Variants in F11R observed in about 807,000 individuals in gnomAD.
The protein encoded by F11R is junctional adhesion molecule A.
A neutral mutation model predicts 39.3 loss-of-function variants in F11R; 27 were observed. That is an observed-to-expected ratio of 0.69 (90% CI 0.51 to 0.95). The LOEUF (loss-of-function observed/expected upper bound fraction) is 0.95, where lower values mean the gene tolerates loss of function less well. Ranked by LOEUF, F11R falls within the 40% of genes least tolerant of loss-of-function variation. F11R has a pLI of 0.00. For synonymous variants in F11R, 131 were observed against 144.9 expected (o/e 0.90, Z 0.69); for missense variants, 335 against 372.7 (o/e 0.90, Z 0.83).
chr1:161,001,224 AGAT>A, intron 2 of F11R, 58 bp downstream of exon 2: 1 of 1,601,588 alleles, frequency 6.2e-7, no homozygotes, highest in Non-Finnish European at 8.5e-7. Context: ...GGTGCTCTCT[AGAT>A]CCCCAGGCGG....
At chr1:161,000,013 G>A (rs772903461) in intron 5 of F11R, 35 bp from the exon 6 acceptor site, 1 of 1,607,828 alleles carries the variant, frequency 6.2e-7, no homozygotes, top group Non-Finnish European at 8.5e-7. Context: ...TCCTGCTGAA[G>A]AAGCAAAATA....
At chr1:161,006,034 A>C (rs1648784502) in intron 1 of F11R, among the ~76,000 whole-genome samples, 1 of 151,818 alleles carries the variant, frequency 6.6e-6, no homozygotes, top group Non-Finnish European at 1.5e-5. Context: ...ACTACTTGGG[A>C]GGCTGAGGCA....
intron 1 of F11R, 68 bp downstream of exon 1, chr1:161,020,942 C>A: frequency 7.2e-7 from 1 of 1,398,494 alleles, no homozygotes; most frequent in East Asian, 2.3e-5. Flanking sequence ...GGGCTAGGGG[C>A]GTGGGGAGAG....
At chr1:161,019,921 A>G (rs916487852) in intron 1 of F11R, among the ~76,000 whole-genome samples, 17 of 152,200 alleles carry the variant, frequency 1.1e-4, no homozygotes, top group African/African-American at 3.9e-4. Flanking sequence ...GGTAGAAATG[A>G]GCAGTCAATC....
At chr1:161,015,605 A>C (rs868644706) in intron 1 of F11R, among the ~76,000 whole-genome samples, 1 of 139,410 alleles carries the variant, frequency 7.2e-6, no homozygotes, top group Non-Finnish European at 1.6e-5. Context: ...AAAAAAAAAA[A>C]GGCTGCAGTG....
At chr1:161,006,006 C>T (rs1042180699) in intron 1 of F11R, among the ~76,000 whole-genome samples, 2 of 151,940 alleles carry the variant, frequency 1.3e-5, no homozygotes, top group Admixed American at 6.6e-5. Flanking sequence ...GGCATGGTGG[C>T]GGGCAACGGT....
chr1:161,012,560 A>C (rs1312356154), intron 1 of F11R, among the ~76,000 whole-genome samples: 5 of 151,250 alleles, frequency 3.3e-5, no homozygotes, highest in African/African-American at 1.2e-4. Flanking sequence ...GAAAAAAAGA[A>C]TTTTCCTTGA....
intron 1 of F11R, among the ~76,000 whole-genome samples, chr1:161,010,193 C>T (rs1221210404): frequency 6.6e-6 from 1 of 151,752 alleles, no homozygotes; most frequent in African/African-American, 2.4e-5. Flanking sequence ...CACGTGTAAT[C>T]CCAGAACTTT....
At chr1:161,004,193 G>A (rs1034642349) in intron 1 of F11R, among the ~76,000 whole-genome samples, 1 of 151,990 alleles carries the variant, frequency 6.6e-6, no homozygotes, top group African/African-American at 2.4e-5. Context: ...CAGTTCTCCT[G>A]CCTTGGCCTC....
chr1:161,001,653 G>A (rs1217549048), intron 1 of F11R, among the ~76,000 whole-genome samples: 5 of 152,102 alleles, frequency 3.3e-5, no homozygotes, highest in Non-Finnish European at 7.3e-5. Flanking sequence ...ACTAGTCCAA[G>A]GGCAGCTTCC....
chr1:160,998,981 G>T, intron 9 of F11R, 62 bp downstream of exon 9: 1 of 1,613,430 alleles, frequency 6.2e-7, no homozygotes, highest in East Asian at 2.2e-5. Context: ...ATAAACATGG[G>T]CTAGAAATCT....
chr1:161,004,271 G>A (rs1648672416), intron 1 of F11R, among the ~76,000 whole-genome samples: 1 of 151,972 alleles, frequency 6.6e-6, no homozygotes. Flanking sequence ...CAAAAAAGAA[G>A]GGTATAGGCT....
At chr1:161,006,997 C>T (rs1232487207) in intron 1 of F11R, among the ~76,000 whole-genome samples, 2 of 151,912 alleles carry the variant, frequency 1.3e-5, no homozygotes. Flanking sequence ...AAATCCGTCT[C>T]TACTAAAAAA....
At chr1:161,000,864 G>T in intron 3 of F11R, 87 bp from the exon 4 acceptor site, 1 of 1,548,604 alleles carries the variant, frequency 6.5e-7, no homozygotes, top group Non-Finnish European at 8.9e-7. Context: ...GTACGCAAGT[G>T]CTCTCCTCTT....
chr1:161,008,639 G>A (rs1031552154), intron 1 of F11R, among the ~76,000 whole-genome samples: 1 of 152,192 alleles, frequency 6.6e-6, no homozygotes, highest in Non-Finnish European at 1.5e-5. Context: ...AGCCTTTAGA[G>A]TTGGGTGATT....
chr1:161,001,923 C>T (rs1557890360), intron 1 of F11R, among the ~76,000 whole-genome samples: 1 of 151,978 alleles, frequency 6.6e-6, no homozygotes, highest in Non-Finnish European at 1.5e-5. Flanking sequence ...TATTATTATC[C>T]CGAGTTTACA....
chr1:161,000,611 A>G lies in F11R; in HGVS notation c.388+20T>C. On this transcript the variant is annotated intron_variant, in intron 4 of 9. Transcript: ENST00000368026. The stretch of plus-strand genomic sequence containing the variant: ...GAAGTAACTAACTCCAGGCCCACCC[A>G]GAAGACATGGGGCACGTACCAAGCA... 6.2e-7 allele frequency: 1 copy of G among 1,614,110 alleles called. No homozygotes were observed. Among genetic ancestry groups the G allele is most frequent in the Non-Finnish European group, 8.5e-7 (1 of 1,179,990 alleles).
chr1:161,004,099 G>A (rs1209256443), intron 1 of F11R, among the ~76,000 whole-genome samples: 2 of 152,014 alleles, frequency 1.3e-5, no homozygotes, highest in African/African-American at 2.4e-5. Flanking sequence ...GTTTCACCAT[G>A]TTGTCCAGGC....
chr1:161,008,663 C>T (rs1438843444), intron 1 of F11R, among the ~76,000 whole-genome samples: 1 of 152,112 alleles, frequency 6.6e-6, no homozygotes, highest in Non-Finnish European at 1.5e-5. Flanking sequence ...TCGTTATCAC[C>T]CATATTTACA....
Sources: allele counts gnomAD v4.1 joint callset (sites outside exome capture counted in the v4.1 genomes callset), GRCh38; gene constraint gnomAD v4.1.1; transcripts MANE v1.5; gene names NCBI Gene and HGNC (gene_info 2026-07-23, HGNC 2026-07-21).